Variants in LIMCH1 observed in about 807,000 individuals in gnomAD.
LIMCH1 encodes the protein LIM and calponin homology domains-containing protein 1.
A neutral mutation model predicts 176.5 loss-of-function variants in LIMCH1; 113 were observed. The observed-to-expected ratio is 0.64, with a 90% CI of 0.55 to 0.75. The LOEUF (loss-of-function observed/expected upper bound fraction) is 0.75, where lower values mean the gene tolerates loss of function less well. Ranked by LOEUF, LIMCH1 falls within the 30% of genes least tolerant of loss-of-function variation. The pLI is 0.00. For synonymous variants in LIMCH1, 619 were observed against 645.9 expected, an observed-to-expected ratio of 0.96 and a Z score of 0.63; for missense variants, 1,674 against 1,814.9, an observed-to-expected ratio of 0.92 and a Z score of 1.41.
chr4:41,559,071 T>G lies in LIMCH1; in HGVS notation c.-241+20721T>G, dbSNP rs116438031. On this transcript the variant is annotated intron_variant, in intron 1 of 31. Coordinates refer to ENST00000503057, the MANE Select transcript of LIMCH1 (RefSeq NM_001330672.2). ...AAATATTTTATCTGGTTTGGCAGAT[T>G]AATTTGGCAGGATAGAGCTGGGCTG... is the stretch of plus-strand genomic sequence containing the variant. Among the ~76,000 whole-genome samples, 974 of 152,330 alleles carry G rather than the reference T, an allele frequency of 6.4e-3. 13 individuals carry two copies. Among genetic ancestry groups the G allele is most frequent in the African/African-American group, 0.022 (923 of 41,588 alleles).
At chr4:41,606,681 T>A (rs2090757593) in intron 4 of LIMCH1, among the ~76,000 whole-genome samples, 1 of 152,208 alleles carries the variant, frequency 6.6e-6, no homozygotes, top group East Asian at 1.9e-4. Flanking sequence ...CATCTGAAGG[T>A]CCAGCAATAT....
chr4:41,530,850 G>A (rs191701168), intron 3 of LIMCH1, among the ~76,000 whole-genome samples: 1,958 of 100,892 alleles, frequency 0.019, 42 homozygotes, highest in Non-Finnish European at 0.023. Flanking sequence ...TGGCCAGGAA[G>A]CAGGCAAGGC....
chr4:41,631,617 C>A, intron 10 of LIMCH1, 140 bp downstream of exon 10: 3 of 682,162 alleles, frequency 4.4e-6, no homozygotes, highest in Non-Finnish European at 6.8e-6. Context: ...GTAATGTTAG[C>A]GGGTCCCCCT....
At chr4:41,693,508 G>A (rs1412187192) in intron 31 of LIMCH1, among the ~76,000 whole-genome samples, 1 of 151,058 alleles carries the variant, frequency 6.6e-6, no homozygotes, top group Non-Finnish European at 1.5e-5. Context: ...CTATCAAACT[G>A]GACTATTTAG....
intron 1 of LIMCH1, among the ~76,000 whole-genome samples, chr4:41,447,533 G>C (rs1561400723): frequency 6.6e-6 from 1 of 152,140 alleles, no homozygotes; most frequent in African/African-American, 2.4e-5. Flanking sequence ...AATGGAGCTG[G>C]GAATTGCACA....
At chr4:41,688,380 T>C (rs1293475585) in intron 29 of LIMCH1, among the ~76,000 whole-genome samples, 6 of 152,318 alleles carry the variant, frequency 3.9e-5, no homozygotes, top group African/African-American at 1.2e-4. Context: ...GGCCCCATGA[T>C]ATTTTTAAAA....
intron 2 of LIMCH1, among the ~76,000 whole-genome samples, chr4:41,496,422 A>G (rs1250591195): frequency 2.0e-5 from 3 of 152,216 alleles, no homozygotes; most frequent in Non-Finnish European, 2.9e-5. Flanking sequence ...CTAAAGTGGA[A>G]TGAACCACAT....
At chr4:41,578,328 G>C (rs775968765) in intron 1 of LIMCH1, among the ~76,000 whole-genome samples, 79 of 152,236 alleles carry the variant, frequency 5.2e-4, no homozygotes, top group Admixed American at 8.5e-4. Flanking sequence ...TGAGAACAGC[G>C]TAGAGGAAAC....
At position 41,543,052 on chromosome 4, in the gene LIMCH1, T is replaced by A. The variant is rs533772830; in HGVS notation, c.-241+4702T>A. Among the ~76,000 whole-genome samples, 10 of 152,310 alleles carry A rather than the reference T, an allele frequency of 6.6e-5. No individual in the cohort carries two copies. The South Asian group carries it at 2.1e-3, about 32-fold the overall frequency. ...TTTTTTGGTGACTAATATGTTGATT[T>A]GATGAAAGCTAATTGCACAAACATG... On this transcript the variant is annotated intron_variant, in intron 1 of 31. Coordinates refer to ENST00000503057, the MANE Select transcript of LIMCH1 (RefSeq NM_001330672.2).
At position 41,619,672 on chromosome 4, in the gene LIMCH1, C is replaced by A. The variant is rs1000512252; in HGVS notation, c.458+232C>A. The A allele has an allele frequency of 1.9e-5, 11 of 565,482 alleles. No homozygotes were observed. The South Asian group carries it at 2.7e-4, about 14-fold the overall frequency. The allele number at this position is 565,482 out of a possible 1,614,324, so 35.0% of individuals were successfully genotyped here. A position where few individuals can be genotyped will look rare whatever the true frequency, so the allele number is the denominator to read the frequency against. On this transcript the variant is annotated intron_variant, in intron 6 of 31. Coordinates refer to ENST00000503057, the MANE Select transcript of LIMCH1 (RefSeq NM_001330672.2). ...CAGTAGGTATTCAGCAACTACTTGT[C>A]TAAATAAGCAGATTTCTGAAACCAA...
chr4:41,411,685 G>A (rs925060422), intron 1 of LIMCH1, among the ~76,000 whole-genome samples: 5 of 93,886 alleles, frequency 5.3e-5, no homozygotes, highest in Non-Finnish European at 3.1e-5. Context: ...GATAGGCTGG[G>A]TGTGGTGGCT....
At chr4:41,534,979 G>A (rs1471040298), upstream of LIMCH1, among the ~76,000 whole-genome samples, 1 of 151,688 alleles carries the variant, frequency 6.6e-6, no homozygotes, top group Non-Finnish European at 1.5e-5. Flanking sequence ...TAGGCAACAT[G>A]GCAAAATCTT....
intron 1 of LIMCH1, among the ~76,000 whole-genome samples, chr4:41,471,044 T>G (rs74735584): frequency 1.3e-5 from 2 of 151,684 alleles, no homozygotes; most frequent in Non-Finnish European, 2.9e-5. Flanking sequence ...TTTTTTTTTT[T>G]TAACATAGAT....
intron 20 of LIMCH1, among the ~76,000 whole-genome samples, chr4:41,664,956 A>AAT (rs907067827): frequency 7.2e-5 from 11 of 152,082 alleles, no homozygotes; most frequent in African/African-American, 1.9e-4. Flanking sequence ...TGTGGTGCCA[A>AAT]ATATATATAT....
At chr4:41,628,315 T>C (rs1006532709) in intron 8 of LIMCH1, among the ~76,000 whole-genome samples, 2 of 152,132 alleles carry the variant, frequency 1.3e-5, no homozygotes, top group African/African-American at 4.8e-5. Flanking sequence ...TTCCTGATAT[T>C]TCCAGCTATA....
chr4:41,426,017 CTTTT>C (rs913325890), intron 1 of LIMCH1, among the ~76,000 whole-genome samples: 3 of 102,864 alleles, frequency 2.9e-5, no homozygotes, highest in East Asian at 2.7e-4. Flanking sequence ...TGAAAAGATT[CTTTT>C]TTTTTTTTTT....
At chr4:41,362,956 G>A (rs75841386) in intron 1 of LIMCH1, among the ~76,000 whole-genome samples, 1,850 of 152,276 alleles carry the variant, frequency 0.012, 32 homozygotes, top group African/African-American at 0.043. Flanking sequence ...CCGTAATGGG[G>A]CATGCGTGGC....
chr4:41,604,422 C>T (rs1330251086), intron 3 of LIMCH1: 1 of 157,856 alleles, frequency 6.3e-6, no homozygotes, highest in Non-Finnish European at 1.4e-5. Flanking sequence ...TATGTTAGTG[C>T]TGTTTTATTT....
At chr4:41,482,986 T>C (rs762078971) in intron 1 of LIMCH1, among the ~76,000 whole-genome samples, 6 of 152,096 alleles carry the variant, frequency 3.9e-5, no homozygotes, top group African/African-American at 9.7e-5. Flanking sequence ...GTAATGGGTA[T>C]AGGATACTCA....
Sources: allele counts gnomAD v4.1 joint callset (sites outside exome capture counted in the v4.1 genomes callset), GRCh38; gene constraint gnomAD v4.1.1; transcripts MANE v1.5; gene names NCBI Gene and HGNC (gene_info 2026-07-23, HGNC 2026-07-21).